Variants in RIMS1 observed in about 807,000 individuals in gnomAD.
RIMS1 encodes regulating synaptic membrane exocytosis 1.
RIMS1 carries 83 observed loss-of-function variants against 214.1 expected under a neutral mutation model. The observed-to-expected ratio is 0.39, with a 90% CI of 0.32 to 0.47. The LOEUF (loss-of-function observed/expected upper bound fraction) is 0.47, where lower values mean the gene tolerates loss of function less well. RIMS1 is among the 20% of genes least tolerant of loss of function. RIMS1 has a pLI of 0.99. For synonymous variants in RIMS1, 793 were observed against 786.8 expected, an observed-to-expected ratio of 1.01 and a Z score of -0.13; for missense variants, 2,050 against 2,161.8, an observed-to-expected ratio of 0.95 and a Z score of 1.03.
At chr6:72,251,480 G>A (rs1347214724) in intron 15 of RIMS1, 112 bp downstream of exon 15, 3 of 881,178 alleles carry the variant, frequency 3.4e-6, no homozygotes, top group South Asian at 2.6e-5. Flanking sequence ...TCAAAATACT[G>A]GAAAATTGTT....
At chr6:72,022,475 T>A (rs1815017952) in intron 2 of RIMS1, among the ~76,000 whole-genome samples, 2 of 152,208 alleles carry the variant, frequency 1.3e-5, no homozygotes, top group Admixed American at 1.3e-4. Flanking sequence ...ATTAGGTACA[T>A]TTATATTACA....
At chr6:72,140,478 G>A (rs910425510) in intron 4 of RIMS1, among the ~76,000 whole-genome samples, 1 of 151,966 alleles carries the variant, frequency 6.6e-6, no homozygotes, top group African/African-American at 2.4e-5. Flanking sequence ...AAAGCATCAG[G>A]AAGAGAAAAT....
intron 2 of RIMS1, among the ~76,000 whole-genome samples, chr6:72,079,408 G>A (rs1220555641): frequency 1.3e-5 from 2 of 152,124 alleles, no homozygotes; most frequent in Admixed American, 6.5e-5. Context: ...TGCCAATAGA[G>A]TGTCAAATAA....
chr6:72,170,650 TTCTG>T (rs1448503145), intron 4 of RIMS1, among the ~76,000 whole-genome samples: 1 of 152,128 alleles, frequency 6.6e-6, no homozygotes, highest in Non-Finnish European at 1.5e-5. Flanking sequence ...TATGTTTTGT[TTCTG>T]TCTGTCTTTT....
At chr6:72,358,781 GAA>G (rs1246096470) in intron 29 of RIMS1, among the ~76,000 whole-genome samples, 1 of 152,166 alleles carries the variant, frequency 6.6e-6, no homozygotes, top group Non-Finnish European at 1.5e-5. Context: ...TTACAGGAGA[GAA>G]AGAGGGAAAG....
chr6:72,060,042 G>C (rs899956865), intron 2 of RIMS1, among the ~76,000 whole-genome samples: 3 of 151,848 alleles, frequency 2.0e-5, no homozygotes, highest in Admixed American at 1.3e-4. Context: ...GGGTTCAAGC[G>C]ATTCTCCTGC....
intron 1 of RIMS1, among the ~76,000 whole-genome samples, chr6:71,964,591 G>A (rs1793914384): frequency 6.6e-6 from 1 of 152,072 alleles, no homozygotes; most frequent in South Asian, 2.1e-4. Flanking sequence ...GAGAAAACAA[G>A]GAGTCAAGTC....
At chr6:72,205,990 A>G (rs1197292926) in intron 6 of RIMS1, among the ~76,000 whole-genome samples, 2 of 152,180 alleles carry the variant, frequency 1.3e-5, no homozygotes, top group Admixed American at 1.3e-4. Context: ...ATGATTACAT[A>G]TGTGCACAGA....
chr6:71,983,435 G>GA (rs530768405), intron 2 of RIMS1, among the ~76,000 whole-genome samples: 3 of 150,148 alleles, frequency 2.0e-5, no homozygotes, highest in Non-Finnish European at 3.0e-5. Context: ...TGTATAATCA[G>GA]AAAAAAAGGG....
chr6:72,297,552 A>G (rs1268618776), intron 26 of RIMS1, among the ~76,000 whole-genome samples: 16 of 152,040 alleles, frequency 1.1e-4, no homozygotes, highest in Non-Finnish European at 2.9e-5. Flanking sequence ...GCCTCTGTGC[A>G]GAACATGTCA....
chr6:72,181,943 TCA>T (rs2048460942), intron 5 of RIMS1, among the ~76,000 whole-genome samples: 1 of 152,186 alleles, frequency 6.6e-6, no homozygotes, highest in Admixed American at 6.5e-5. Flanking sequence ...TCTCTAATCC[TCA>T]CATGAACCTT....
At chr6:72,104,558 T>C (rs1249262731) in intron 4 of RIMS1, among the ~76,000 whole-genome samples, 1 of 152,168 alleles carries the variant, frequency 6.6e-6, no homozygotes. Context: ...CCGTTTCCTC[T>C]GGGACTGATA....
At chr6:72,327,585 T>C (rs1419352859) in intron 28 of RIMS1, among the ~76,000 whole-genome samples, 1 of 151,802 alleles carries the variant, frequency 6.6e-6, no homozygotes, top group African/African-American at 2.4e-5. Flanking sequence ...GTATTTAAAG[T>C]GCCATCATAT....
intron 19 of RIMS1, 48 bp downstream of exon 19, chr6:72,260,815 T>C (rs748198486): frequency 1.2e-6 from 2 of 1,602,238 alleles, no homozygotes; most frequent in Admixed American, 1.7e-5. Context: ...TGACTCTCTT[T>C]CCATTCTATT....
At chr6:72,297,667 T>G (rs892981354) in intron 26 of RIMS1, among the ~76,000 whole-genome samples, 1 of 151,918 alleles carries the variant, frequency 6.6e-6, no homozygotes, top group Non-Finnish European at 1.5e-5. Flanking sequence ...TAGACCACAT[T>G]TTTAGAAATA....
intron 1 of RIMS1, among the ~76,000 whole-genome samples, chr6:71,931,961 A>T (rs1404366280): frequency 4.6e-5 from 7 of 152,146 alleles, no homozygotes; most frequent in Admixed American, 1.3e-4. Context: ...GCTATTATTA[A>T]GAAGTCCAAA....
At chr6:72,052,279 T>A (rs1824922981) in intron 2 of RIMS1, among the ~76,000 whole-genome samples, 1 of 152,198 alleles carries the variant, frequency 6.6e-6, no homozygotes, top group Admixed American at 6.5e-5. Flanking sequence ...ATGTATATAG[T>A]AGGATATTTT....
intron 2 of RIMS1, among the ~76,000 whole-genome samples, chr6:72,096,423 T>C (rs1225021342): frequency 1.3e-5 from 2 of 152,196 alleles, no homozygotes; most frequent in Non-Finnish European, 2.9e-5. Context: ...TCTAAAACAG[T>C]ATTTGTCAAA....
In RIMS1 at chr6:72,401,259, C is replaced by A. The variant is rs886061714; in HGVS notation, c.*545C>A. 1.3e-5 allele frequency: 2 copies of A among 152,812 alleles called. No homozygotes were observed. Among genetic ancestry groups the A allele is most frequent in the East Asian group, 3.8e-4 (2 of 5,204 alleles). The allele number at this position is 152,812 out of a possible 1,614,324, so 9.5% of individuals were successfully genotyped here. On this transcript the variant is annotated 3_prime_UTR_variant, in exon 34 of 34. Transcript: ENST00000521978. ...CTGTGTCATGACAGGCCTCATGATGCTAACAGAGATTCTTCCCTTCTTTTT... is the reference window on the plus strand; with the variant it reads ...CTGTGTCATGACAGGCCTCATGATGATAACAGAGATTCTTCCCTTCTTTTT...
Sources: gnomAD v4.1 joint callset for allele counts (sites outside exome capture counted in the v4.1 genomes callset) on GRCh38, gnomAD v4.1.1 for gene constraint, MANE v1.5 for transcripts, NCBI Gene and HGNC (gene_info 2026-07-23, HGNC 2026-07-21) for gene names.